NCOR2: variants seen among roughly 807,000 people sequenced by gnomAD.
The protein encoded by NCOR2 is CTG repeat protein 26.
Under a neutral mutation model 262.9 loss-of-function variants are expected in NCOR2, and 81 were observed. That is an observed-to-expected ratio of 0.31 (90% CI 0.26 to 0.37). The LOEUF (loss-of-function observed/expected upper bound fraction) is 0.37. Ranked by LOEUF, NCOR2 falls within the 10% of genes least tolerant of loss-of-function variation. NCOR2 has a pLI of 1.00. For synonymous variants in NCOR2, 1,659 were observed against 1,559.3 expected (o/e 1.06, Z -1.51); for missense variants, 3,385 against 3,621.4 (o/e 0.93, Z 1.68).
chr12:124,452,725 G>C (rs2045623572), intron 6 of NCOR2, among the ~76,000 whole-genome samples: 1 of 152,210 alleles, frequency 6.6e-6, no homozygotes, highest in Admixed American at 6.5e-5. Flanking sequence ...CCCGGGGGCA[G>C]CAAGAGCCCG....
upstream of NCOR2, among the ~76,000 whole-genome samples, chr12:124,498,566 C>G (rs2136927762): frequency 6.6e-6 from 1 of 152,296 alleles, no homozygotes; most frequent in East Asian, 1.9e-4. Flanking sequence ...AGCCACGTTT[C>G]CTGCCAACTC....
intron 7 of NCOR2, among the ~76,000 whole-genome samples, chr12:124,438,493 G>A (rs541658995): frequency 1.3e-5 from 2 of 152,128 alleles, no homozygotes; most frequent in African/African-American, 4.8e-5. Context: ...GCTGCGGGGG[G>A]AGGGACACAA....
At chr12:124,441,828 G>A (rs766384536) in intron 7 of NCOR2, among the ~76,000 whole-genome samples, 2 of 152,206 alleles carry the variant, frequency 1.3e-5, no homozygotes, top group Non-Finnish European at 2.9e-5. Flanking sequence ...TGGGCATCAC[G>A]CAGCCCCCTT....
intron 13 of NCOR2, among the ~76,000 whole-genome samples, chr12:124,418,137 C>T (rs994288119): frequency 2.0e-5 from 3 of 151,934 alleles, no homozygotes; most frequent in Non-Finnish European, 2.9e-5. Context: ...CTCTGTGCCA[C>T]TCGGCCTTGG....
chr12:124,437,565 C>T (rs2044421987), intron 8 of NCOR2, among the ~76,000 whole-genome samples: 1 of 152,204 alleles, frequency 6.6e-6, no homozygotes, highest in African/African-American at 2.4e-5. Flanking sequence ...CCCTGCTGCC[C>T]GGCACACAGC....
chr12:124,327,383 G>C, intron 45 of NCOR2, 26 bp downstream of exon 47: 8 of 1,556,932 alleles, frequency 5.1e-6, no homozygotes, highest in Non-Finnish European at 7.0e-6. Context: ...GGACAGACGG[G>C]GGCGGGGCGG....
At chr12:124,335,039 C>T (rs2035762773) in intron 40 of NCOR2, 96 bp downstream of exon 42, 2 of 1,587,640 alleles carry the variant, frequency 1.3e-6, no homozygotes, top group African/African-American at 1.3e-5. Flanking sequence ...AGCCACCCCG[C>T]CAGGACAGAA....
In NCOR2 at chr12:124,372,249, C is replaced by T. The variant is rs367641537; in HGVS notation, c.2580G>A (p.Glu860=). ...CCTCCGTGCACTCGCTCTTGACGGG[C>T]TCCTCGGCCTTCCCTGTGTCCACTG... The change falls in exon 20 of 47, where the codon GAG becomes GAA. Residue 860 remains glutamate (E), a synonymous_variant. Coordinates refer to ENST00000405201, the Ensembl canonical transcript of NCOR2. 58 of 1,589,662 alleles carry T rather than the reference C, an allele frequency of 3.6e-5. No individual in the cohort carries two copies. In the African/African-American group the frequency reaches 7.5e-4, roughly 21 times the overall value.
intron 1 of NCOR2, among the ~76,000 whole-genome samples, chr12:124,563,442 C>T (rs887349703): frequency 2.0e-5 from 3 of 152,226 alleles, no homozygotes; most frequent in African/African-American, 4.8e-5. Context: ...CAGGTCCCTC[C>T]GCTGTGCAAC....
chr12:124,484,610 C>T lies in NCOR2; in HGVS notation c.234-837G>A, dbSNP rs142508393. ...GCCCTCGCTGTCCCGCCACTGCACT[C>T]CTGCCCCAGGGCCTTTGCACCTGCT... On this transcript the variant is annotated intron_variant, in intron 2 of 46. Transcript: ENST00000405201. Among the ~76,000 whole-genome samples, 1,478 of 152,340 alleles carry T rather than the reference C, an allele frequency of 9.7e-3. 10 individuals are homozygous for T. Among genetic ancestry groups the T allele is most frequent in the Non-Finnish European group, 0.014 (938 of 68,022 alleles).
At chr12:124,433,080 G>A (rs1044078092) in intron 8 of NCOR2, among the ~76,000 whole-genome samples, 1 of 152,200 alleles carries the variant, frequency 6.6e-6, no homozygotes, top group Non-Finnish European at 1.5e-5. Context: ...CTGACCAAGG[G>A]CAAGCTGTGC....
At chr12:124,501,053 C>CGT (rs781357260) in intron 1 of NCOR2, among the ~76,000 whole-genome samples, 6,367 of 44,954 alleles carry the variant, frequency 0.14, 197 homozygotes, top group Middle Eastern at 0.23. Context: ...CGAGCGCGCG[C>CGT]GCACGCGCGC....
At chr12:124,402,610 C>A (rs1452161901) in intron 13 of NCOR2, 49 bp from the exon 16 acceptor site, 4 of 1,543,134 alleles carry the variant, frequency 2.6e-6, no homozygotes, top group Non-Finnish European at 2.6e-6. Flanking sequence ...GGAAGAAAAC[C>A]GTGAACAGGT....
intron 1 of NCOR2, among the ~76,000 whole-genome samples, chr12:124,529,179 CAAAAAA>C (rs148397454): frequency 1.9e-5 from 1 of 52,182 alleles, no homozygotes; most frequent in East Asian, 5.6e-4. Context: ...AACTCCGACT[CAAAAAA>C]AAAAAAAAAA....
intron 13 of NCOR2, among the ~76,000 whole-genome samples, chr12:124,413,835 G>A (rs1420679067): frequency 6.6e-6 from 1 of 152,170 alleles, no homozygotes; most frequent in Non-Finnish European, 1.5e-5. Flanking sequence ...CACTGAGAGA[G>A]AAAGAGACAG....
chr12:124,473,141 A>C lies in NCOR2; in HGVS notation c.412-10T>G. ...CCGTCAGGCTACGGTCCTGTGGCAGAAAAAAAACGGGCATGGGGTCAGCAC... is the reference window on the plus strand; with the variant it reads ...CCGTCAGGCTACGGTCCTGTGGCAGCAAAAAAACGGGCATGGGGTCAGCAC... On this transcript the variant is annotated splice_polypyrimidine_tract_variant and intron_variant, in intron 3 of 46. Coordinates refer to ENST00000405201, the Ensembl canonical transcript of NCOR2. 1 of 1,613,058 alleles carries C rather than the reference A, an allele frequency of 6.2e-7. No individual in the cohort carries two copies. Among genetic ancestry groups the C allele is most frequent in the Non-Finnish European group, 8.5e-7 (1 of 1,179,906 alleles).
chr12:124,435,877 G>A (rs1025315647), intron 8 of NCOR2, among the ~76,000 whole-genome samples: 3 of 152,234 alleles, frequency 2.0e-5, no homozygotes, highest in African/African-American at 7.2e-5. Context: ...CCTAGGGCAA[G>A]TTACTTAACC....
intron 4 of NCOR2, among the ~76,000 whole-genome samples, chr12:124,469,392 C>T (rs1285377056): frequency 6.6e-6 from 1 of 152,114 alleles, no homozygotes; most frequent in Non-Finnish European, 1.5e-5. Flanking sequence ...CCCTGGTGGT[C>T]GCTTCAAGAA....
chr12:124,335,752 G>A (rs1385646288), intron 38 of NCOR2, 120 bp from the exon 41 acceptor site: 11 of 1,176,732 alleles, frequency 9.3e-6, no homozygotes, highest in Non-Finnish European at 1.3e-5. Context: ...CCAAGCTAGG[G>A]GTAGGGTTTG....
Sources: gnomAD v4.1 joint callset for allele counts (sites outside exome capture counted in the v4.1 genomes callset) on GRCh38, gnomAD v4.1.1 for gene constraint, MANE v1.5 for transcripts, NCBI Gene and HGNC (gene_info 2026-07-23, HGNC 2026-07-21) for gene names.